STK33: variants seen among roughly 807,000 people sequenced by gnomAD.
STK33 encodes serine/threonine kinase 33.
A neutral mutation model predicts 58.0 loss-of-function variants in STK33; 52 were observed. The observed-to-expected ratio is 0.90, with a 90% CI of 0.72 to 1.13. STK33 has a LOEUF of 1.13. Ranked by LOEUF, STK33 falls within the 50% of genes most tolerant of loss-of-function variation. The probability of loss-of-function intolerance (pLI) is 0.00; values close to 1 mark genes in which losing one functional copy is unlikely to be tolerated. For synonymous variants in STK33, 215 were observed against 200.1 expected, an observed-to-expected ratio of 1.07 and a Z score of -0.63; for missense variants, 630 against 604.2, an observed-to-expected ratio of 1.04 and a Z score of -0.45.
intron 11 of STK33, among the ~76,000 whole-genome samples, chr11:8,444,398 T>G (rs564545812): frequency 8.8e-4 from 134 of 152,214 alleles, no homozygotes; most frequent in Non-Finnish European, 1.7e-3. Context: ...AAATCTTGTT[T>G]AATGTTTGTG....
chr11:8,490,730 G>A (rs1313332022), intron 1 of STK33, among the ~76,000 whole-genome samples: 2 of 152,082 alleles, frequency 1.3e-5, no homozygotes, highest in Admixed American at 6.6e-5. Flanking sequence ...GAAGGATCAG[G>A]CAGAAATATT....
chr11:8,455,509 A>G (rs191478671), intron 9 of STK33, among the ~76,000 whole-genome samples: 1 of 152,242 alleles, frequency 6.6e-6, no homozygotes, highest in Admixed American at 6.5e-5. Context: ...ATTTCCCTAG[A>G]CTTAAAAAGT....
chr11:8,402,066 C>T (rs1938114973), intron 15 of STK33, among the ~76,000 whole-genome samples: 1 of 152,280 alleles, frequency 6.6e-6, no homozygotes, highest in South Asian at 2.1e-4. Flanking sequence ...GGCGATTCCT[C>T]AGGGATCTAG....
chr11:8,476,180 C>T (rs1949255120), intron 4 of STK33, among the ~76,000 whole-genome samples: 1 of 152,176 alleles, frequency 6.6e-6, no homozygotes, highest in African/African-American at 2.4e-5. Flanking sequence ...TAACATCCTA[C>T]ATTTCCGGGC....
chr11:8,471,415 A>G (rs1293518226), intron 6 of STK33, among the ~76,000 whole-genome samples: 1 of 151,832 alleles, frequency 6.6e-6, no homozygotes, highest in Non-Finnish European at 1.5e-5. Flanking sequence ...ATGTAGATCT[A>G]TTTTTACTGA....
intron 1 of STK33, among the ~76,000 whole-genome samples, chr11:8,517,002 G>C (rs1029338387): frequency 6.6e-6 from 1 of 152,186 alleles, no homozygotes; most frequent in Non-Finnish European, 1.5e-5. Flanking sequence ...TCAGCACAGA[G>C]TTTGAGATCT....
chr11:8,439,869 T>TTATATATATATATATATCTATATA (rs1944518377), intron 12 of STK33, among the ~76,000 whole-genome samples: 1 of 107,274 alleles, frequency 9.3e-6, no homozygotes, highest in Non-Finnish European at 1.9e-5. Context: ...TATATTATAA[T>TTATATATATATATATATCTATATA]TATATATATA....
chr11:8,512,034 C>T (rs948155364), intron 1 of STK33, among the ~76,000 whole-genome samples: 3 of 152,090 alleles, frequency 2.0e-5, no homozygotes, highest in East Asian at 3.8e-4. Context: ...TCCTTCTGCG[C>T]CAACTATTAT....
chr11:8,548,404 A>G (rs1371603553), intron 1 of STK33, among the ~76,000 whole-genome samples: 1 of 152,192 alleles, frequency 6.6e-6, no homozygotes, highest in Non-Finnish European at 1.5e-5. Flanking sequence ...CTTTGTTGAA[A>G]ATAAATTGGC....
chr11:8,581,000 T>G (rs1056570341), intron 1 of STK33: 5 of 152,172 alleles, frequency 3.3e-5, no homozygotes, highest in Non-Finnish European at 5.9e-5. Flanking sequence ...CCATCTACCC[T>G]ATCTCCCCCT....
chr11:8,409,414 C>T (rs1282715961), intron 15 of STK33, among the ~76,000 whole-genome samples: 2 of 152,272 alleles, frequency 1.3e-5, no homozygotes, highest in African/African-American at 4.8e-5. Context: ...ACCCTTTTAA[C>T]GTTCCATCAG....
At chr11:8,438,793 A>G (rs952947797) in intron 12 of STK33, among the ~76,000 whole-genome samples, 1 of 152,192 alleles carries the variant, frequency 6.6e-6, no homozygotes, top group African/African-American at 2.4e-5. Context: ...TCAGAGTATA[A>G]AAGACTAATT....
intron 1 of STK33, among the ~76,000 whole-genome samples, chr11:8,492,909 G>C (rs556322683): frequency 3.9e-5 from 6 of 152,268 alleles, no homozygotes; most frequent in South Asian, 2.1e-4. Context: ...TGAGAACGAA[G>C]ACAAAACGTA....
At chr11:8,515,051 G>C (rs887052284) in intron 1 of STK33, among the ~76,000 whole-genome samples, 5 of 152,078 alleles carry the variant, frequency 3.3e-5, no homozygotes, top group Middle Eastern at 3.2e-3. Flanking sequence ...AAACTCAGCT[G>C]AACTGGAAGA....
At chr11:8,573,147 T>C (rs1957939565) in intron 1 of STK33, among the ~76,000 whole-genome samples, 2 of 152,104 alleles carry the variant, frequency 1.3e-5, no homozygotes, top group African/African-American at 4.8e-5. Flanking sequence ...ATCCTGTTAA[T>C]TATTAAAAAG....
intron 15 of STK33, among the ~76,000 whole-genome samples, chr11:8,405,167 T>A (rs966873242): frequency 6.6e-6 from 1 of 152,176 alleles, no homozygotes; most frequent in African/African-American, 2.4e-5. Flanking sequence ...CCAAACTATA[T>A]TCTGAAAGAA....
At chr11:8,528,529 A>G (rs1383694173) in intron 1 of STK33, among the ~76,000 whole-genome samples, 1 of 152,212 alleles carries the variant, frequency 6.6e-6, no homozygotes, top group Non-Finnish European at 1.5e-5. Flanking sequence ...CCATGGCCCA[A>G]ATATATTAAT....
chr11:8,403,284 C>T (rs905447891), intron 15 of STK33, among the ~76,000 whole-genome samples: 2 of 152,122 alleles, frequency 1.3e-5, no homozygotes, highest in African/African-American at 4.8e-5. Flanking sequence ...AATTTCTATC[C>T]TTATATAAAA....
Position 8,464,841 on chromosome 11 carries a change from AG to A in STK33, c.340-20del. On this transcript the variant is annotated intron_variant, in intron 6 of 15. Transcript: ENST00000687296. ...AGATTTCCTGGAGAAAAAAAAAAAA[AG>A]AGTTGTCTCTCTATGCCATTCATCA... 6.8e-7 allele frequency: 1 copy of A among 1,480,820 alleles called. No homozygotes were observed. The highest frequency in any genetic ancestry group is 9.4e-7 in the Non-Finnish European group (1 of 1,065,184). The allele number at this position is 1,480,820 out of a possible 1,614,324, so 91.7% of individuals were successfully genotyped here.
Sources: allele counts gnomAD v4.1 joint callset (sites outside exome capture counted in the v4.1 genomes callset), GRCh38; gene constraint gnomAD v4.1.1; transcripts MANE v1.5; gene names NCBI Gene and HGNC (gene_info 2026-07-23, HGNC 2026-07-21).